SLC6A12: variants seen among roughly 807,000 people sequenced by gnomAD.
SLC6A12 encodes the protein sodium- and chloride-dependent betaine transporter.
A neutral mutation model predicts 73.3 loss-of-function variants in SLC6A12; 50 were observed. The observed-to-expected ratio is 0.68, with a 90% CI of 0.54 to 0.86. The LOEUF (loss-of-function observed/expected upper bound fraction) is 0.86, where lower values mean the gene tolerates loss of function less well. SLC6A12 is among the 40% of genes least tolerant of loss of function. The pLI is 0.00. For missense variants in SLC6A12, 648 were observed against 772.8 expected, an observed-to-expected ratio of 0.84 and a Z score of 1.92; for synonymous variants, 304 against 309.2, an observed-to-expected ratio of 0.98 and a Z score of 0.18.
chr12:208,529 A>T (rs1295525579), intron 3 of SLC6A12, among the ~76,000 whole-genome samples: 5 of 152,208 alleles, frequency 3.3e-5, no homozygotes, highest in African/African-American at 1.2e-4. Flanking sequence ...TGCAATAAAC[A>T]TATACTGTTT....
chr12:193,257 G>A lies in SLC6A12; in HGVS notation c.1530+20C>T, dbSNP rs752453739. The A allele has an allele frequency of 6.4e-7, 1 of 1,554,372 alleles. No homozygotes were observed. The highest frequency in any genetic ancestry group is 8.9e-7 in the Non-Finnish European group (1 of 1,125,626). ...TTCTGGGGGCAGGAAGGAATAGAGGGGCAGCTGGTGGGCACATACCAGGCA... is the reference window on the plus strand; with the variant it reads ...TTCTGGGGGCAGGAAGGAATAGAGGAGCAGCTGGTGGGCACATACCAGGCA... On this transcript the variant is annotated intron_variant, in intron 14 of 15. Coordinates refer to ENST00000684302, the MANE Select transcript of SLC6A12 (RefSeq NM_001122848.3).
chr12:200,269 C>A (rs369563964), intron 7 of SLC6A12, among the ~76,000 whole-genome samples: 2 of 149,618 alleles, frequency 1.3e-5, no homozygotes, highest in Non-Finnish European at 3.0e-5. Context: ...CCACCACGCC[C>A]GGCTAATTTT....
chr12:205,883 T>C (rs75600178), intron 3 of SLC6A12, among the ~76,000 whole-genome samples: 1 of 152,256 alleles, frequency 6.6e-6, no homozygotes, highest in African/African-American at 2.4e-5. Context: ...CCACTCTATG[T>C]ATCTATCCTA....
At position 191,118 on chromosome 12, in the gene SLC6A12, A is replaced by G; in HGVS notation, c.1795T>C (p.Ser599Pro). The change falls in exon 16 of 16, where the codon TCC (serine) becomes CCC (proline). Residue 599 changes from serine to proline, a missense_variant. Ser to Pro is a moderately conservative substitution (Grantham distance 74). Coordinates refer to ENST00000684302, the MANE Select transcript of SLC6A12 (RefSeq NM_001122848.3). The part of the protein sequence containing the change: ...DGSAGRNFGP[S>P]PTREGLIAGE... ...GCTATCAGTCCTTCCCTTGTTGGGG[A>G]GGGCCCAAAGTTCCGGCCAGCACTG... is the stretch of plus-strand genomic sequence containing the variant. The G allele has an allele frequency of 2.2e-6, 3 of 1,355,548 alleles. No homozygotes were observed. Among genetic ancestry groups the G allele is most frequent in the South Asian group, 2.4e-5 (1 of 41,232 alleles). 84.0% of individuals were successfully genotyped at this position (1,355,548 alleles called of 1,614,324 possible).
intron 11 of SLC6A12, 41 bp downstream of exon 11, chr12:196,729 A>G: frequency 5.7e-6 from 8 of 1,410,928 alleles, no homozygotes; most frequent in Non-Finnish European, 8.0e-6. Flanking sequence ...GGCTTGCAAG[A>G]GGGTCACCAC....
In SLC6A12 at chr12:198,036, G is replaced by A. The variant is rs368034372; in HGVS notation, c.847-33C>T. Reference sequence around the variant, plus strand: ...AAACCCCAAGAAAGAGGTAGAGGCAGCCCCCAGGGCCCAGAGCCAGGGTGA... The same window carrying A: ...AAACCCCAAGAAAGAGGTAGAGGCAACCCCCAGGGCCCAGAGCCAGGGTGA... On this transcript the variant is annotated intron_variant, in intron 8 of 15. Transcript: ENST00000684302. The surrounding 1 kb of genome is among the most constrained non-coding windows in gnomAD (Gnocchi z 4.0). The A allele has an allele frequency of 6.3e-6, 10 of 1,574,912 alleles. No homozygotes were observed. In the African/African-American group the frequency reaches 1.3e-4, roughly 21 times the overall value.
Position 195,224 on chromosome 12 carries a change from C to G in SLC6A12, c.1429+1G>C, listed in dbSNP as rs1827241620. Reference sequence around the variant, plus strand: ...TTCCCACCCCACTCCACCCCACTCACCATACACCCAGCTTATGCAGACCAC... The same window carrying G: ...TTCCCACCCCACTCCACCCCACTCAGCATACACCCAGCTTATGCAGACCAC... On this transcript the variant is annotated splice_donor_variant, in intron 13 of 15. Coordinates refer to ENST00000684302, the MANE Select transcript of SLC6A12 (RefSeq NM_001122848.3). LOFTEE classifies it high-confidence loss of function. The G allele has an allele frequency of 1.3e-6, 2 of 1,576,314 alleles. No homozygotes were observed.
intron 13 of SLC6A12, 133 bp from the exon 14 acceptor site, chr12:193,510 G>C (rs1037908258): frequency 1.6e-6 from 1 of 626,652 alleles, no homozygotes. Flanking sequence ...AACAGGGCAC[G>C]TGAGTGAGAC....
Position 198,840 on chromosome 12 carries a change from A to G in SLC6A12, c.803T>C (p.Ile268Thr). ...VTLPGAYQGI[I>T]YYLKPDLFRL... ...GAACAAATCTGGCTTCAAGTAGTAG[A>G]TGATGCCCTGGTAGGCTCCGGGAAG... The change falls in exon 8 of 16, where the codon ATC becomes ACC. Residue 268 changes from isoleucine to threonine, a missense_variant. By Grantham distance (89) the Ile-to-Thr change is moderately conservative. Coordinates refer to ENST00000684302, the MANE Select transcript of SLC6A12 (RefSeq NM_001122848.3). The surrounding 1 kb of genome is among the most constrained non-coding windows in gnomAD (Gnocchi z 4.0). The G allele has an allele frequency of 2.5e-6, 4 of 1,614,196 alleles. No homozygotes were observed. Among genetic ancestry groups the G allele is most frequent in the Non-Finnish European group, 3.4e-6 (4 of 1,180,002 alleles).
Position 193,368 on chromosome 12 carries a change from C to T in SLC6A12, c.1439G>A (p.Arg480His), listed in dbSNP as rs959094510. The change falls in exon 14 of 16, where the codon CGT becomes CAT. Residue 480 changes from arginine (R) to histidine (H), a missense_variant. Transcript: ENST00000684302. ...CATGTCCTCAATGTTGTCATAGAAA[C>T]GGTCCGCCCCTGAGCAGGCATGGCG... ...VCISWVYGAD[R>H]FYDNIEDMIG... 9 of 1,613,400 alleles carry T rather than the reference C, an allele frequency of 5.6e-6. No homozygotes were observed. Among genetic ancestry groups the T allele is most frequent in the African/African-American group, 4.0e-5 (3 of 74,912 alleles).
At chr12:185,791 GCCAGGGCCCAGGGCACTGACCCA>G (rs919252918), downstream of SLC6A12, among the ~76,000 whole-genome samples, 1 of 152,168 alleles carries the variant, frequency 6.6e-6, no homozygotes, top group African/African-American at 2.4e-5. Flanking sequence ...AGTGCGGGTC[GCCAGGGCCCAGGGCACTGACCCA>G]CCTCAACCCT....
chr12:192,766 G>A, intron 14 of SLC6A12, 118 bp from the exon 15 acceptor site: 4 of 941,530 alleles, frequency 4.2e-6, no homozygotes, highest in Non-Finnish European at 6.6e-6. Flanking sequence ...TCTGTAAGGT[G>A]GAAGAGTAAA....
downstream of SLC6A12, among the ~76,000 whole-genome samples, chr12:186,842 C>T (rs1939440209): frequency 6.6e-6 from 1 of 152,166 alleles, no homozygotes; most frequent in Non-Finnish European, 1.5e-5. Context: ...TGAATAGCAT[C>T]ATAGGGTGTG....
At position 200,855 on chromosome 12, in the gene SLC6A12, C is replaced by T. The variant is rs903056105; in HGVS notation, c.579-72G>A. Reference sequence around the variant, plus strand: ...ACAGTTTGCGTCTGTCAGCAAGTCTCCTGATTCTCAGAGCTGACCCCACGG... The same window carrying T: ...ACAGTTTGCGTCTGTCAGCAAGTCTTCTGATTCTCAGAGCTGACCCCACGG... On this transcript the variant is annotated intron_variant, in intron 6 of 15. Coordinates refer to ENST00000684302, the MANE Select transcript of SLC6A12 (RefSeq NM_001122848.3). 6 of 1,509,556 alleles carry T rather than the reference C, an allele frequency of 4.0e-6. No homozygotes were observed. The African/African-American group carries it at 8.3e-5, about 21-fold the overall frequency. 93.5% of individuals were successfully genotyped at this position (1,509,556 alleles called of 1,614,324 possible). A position where few individuals can be genotyped will look rare whatever the true frequency, so the allele number is the denominator to read the frequency against.
At chr12:202,144 C>A (rs935405852) in intron 5 of SLC6A12, among the ~76,000 whole-genome samples, 1 of 152,172 alleles carries the variant, frequency 6.6e-6, no homozygotes, top group African/African-American at 2.4e-5. Flanking sequence ...GCACTCTCCC[C>A]GCTTGCCCGT....
chr12:187,607 A>ACCCCCACAC (rs1565461326), downstream of SLC6A12, among the ~76,000 whole-genome samples: 1 of 15,844 alleles, frequency 6.3e-5, no homozygotes, highest in Non-Finnish European at 4.9e-4. Flanking sequence ...AAAAAAAAAA[A>ACCCCCACAC]AAAAAAAAAA....
chr12:203,871 G>C (rs1940463580), intron 4 of SLC6A12: 1 of 152,348 alleles, frequency 6.6e-6, no homozygotes, highest in African/African-American at 2.4e-5. Context: ...GGCGGGCGGA[G>C]AGGCCGGCAG....
chr12:189,194 C>T (rs940949886), downstream of SLC6A12, among the ~76,000 whole-genome samples: 2 of 152,216 alleles, frequency 1.3e-5, no homozygotes, highest in Non-Finnish European at 1.5e-5. Context: ...CGGGCAGGGG[C>T]CGGCTGAGGC....
chr12:206,512 G>A (rs957082852), intron 3 of SLC6A12, among the ~76,000 whole-genome samples: 1 of 152,158 alleles, frequency 6.6e-6, no homozygotes, highest in African/African-American at 2.4e-5. Flanking sequence ...CACCTTTGGG[G>A]TATGCACATT....
Sources: gnomAD v4.1 joint callset for allele counts (sites outside exome capture counted in the v4.1 genomes callset) on GRCh38, gnomAD v4.1.1 for gene constraint, Gnocchi (gnomAD v3.1) non-coding constraint, MANE v1.5 for transcripts, NCBI Gene and HGNC (gene_info 2026-07-23, HGNC 2026-07-21) for gene names.